TIAM1: variants seen among roughly 807,000 people sequenced by gnomAD.
The protein encoded by TIAM1 is TIAM Rac1 associated GEF 1, also known as rho guanine nucleotide exchange factor TIAM1.
In TIAM1, 65 loss-of-function variants were observed where a neutral mutation model predicts 163.5. That is an observed-to-expected ratio of 0.40 (90% CI 0.33 to 0.49). TIAM1 has a LOEUF of 0.49. TIAM1 is among the 20% of genes least tolerant of loss of function. TIAM1 has a pLI of 0.77. For missense variants in TIAM1, 1,789 were observed against 2,044.7 expected (o/e 0.87, Z 2.41); for synonymous variants, 833 against 810.1 (o/e 1.03, Z -0.48).
chr21:31,265,720 A>G (rs1317360928), intron 4 of TIAM1, among the ~76,000 whole-genome samples: 2 of 152,204 alleles, frequency 1.3e-5, no homozygotes, highest in Admixed American at 6.5e-5. Flanking sequence ...TTGAAGAACT[A>G]AGATGTAGAA....
chr21:31,517,233 T>G (rs983964077), intron 1 of TIAM1, among the ~76,000 whole-genome samples: 3 of 151,976 alleles, frequency 2.0e-5, no homozygotes, highest in Non-Finnish European at 4.4e-5. Context: ...AGGAGATCTG[T>G]GTAAAGAGCT....
chr21:31,554,956 G>A (rs2048822757), intron 1 of TIAM1, among the ~76,000 whole-genome samples: 1 of 152,110 alleles, frequency 6.6e-6, no homozygotes, highest in African/African-American at 2.4e-5. Flanking sequence ...ACAGGAACAG[G>A]GAAGGTCTTA....
intron 1 of TIAM1, among the ~76,000 whole-genome samples, chr21:31,484,131 C>A (rs1272458080): frequency 6.6e-6 from 1 of 152,226 alleles, no homozygotes; most frequent in Admixed American, 6.5e-5. Flanking sequence ...CCAGCCCTCA[C>A]CAGACACAAA....
intron 2 of TIAM1, among the ~76,000 whole-genome samples, chr21:31,329,292 T>C (rs1277726080): frequency 6.6e-6 from 1 of 152,192 alleles, no homozygotes; most frequent in East Asian, 1.9e-4. Flanking sequence ...GTGAACGCAG[T>C]GAACACACAG....
At chr21:31,509,409 C>T (rs2047137667) in intron 1 of TIAM1, among the ~76,000 whole-genome samples, 1 of 152,212 alleles carries the variant, frequency 6.6e-6, no homozygotes, top group Non-Finnish European at 1.5e-5. Flanking sequence ...CACTCAAGGG[C>T]CATGTGAGCA....
chr21:31,127,412 C>CTTTTTTTTTTTT (rs199978005), intron 25 of TIAM1, among the ~76,000 whole-genome samples: 6 of 140,736 alleles, frequency 4.3e-5, no homozygotes, highest in Non-Finnish European at 6.2e-5. Flanking sequence ...ATGGACCGAA[C>CTTTTTTTTTTTT]TTTTTTTTTT....
At chr21:31,300,298 A>G (rs1377382384) in intron 2 of TIAM1, among the ~76,000 whole-genome samples, 3 of 152,166 alleles carry the variant, frequency 2.0e-5, no homozygotes, top group African/African-American at 7.2e-5. Context: ...GAGCCAATTA[A>G]ACCTCTTTTC....
chr21:31,297,863 T>C (rs1349619380), intron 2 of TIAM1, among the ~76,000 whole-genome samples: 2 of 152,194 alleles, frequency 1.3e-5, no homozygotes, highest in Admixed American at 6.5e-5. Context: ...TGAAATTCTT[T>C]ATGATGAACA....
At position 31,141,631 on chromosome 21, in the gene TIAM1, G is replaced by A; in HGVS notation, c.3476-127C>T. On this transcript the variant is annotated intron_variant, in intron 20 of 27. Transcript: ENST00000541036. This position sits in a 1 kb window ranked among gnomAD's most constrained non-coding sequence, Gnocchi z 4.7. Reference sequence around the variant, plus strand: ...GGACTGAGCAGAGAGTGGGTGGCAGGAAGAGGGACAGGTAGGGGAGGGGGC... The same window carrying A: ...GGACTGAGCAGAGAGTGGGTGGCAGAAAGAGGGACAGGTAGGGGAGGGGGC... 9.5e-7 allele frequency: 1 copy of A among 1,052,694 alleles called. No individual in the cohort carries two copies. The highest frequency in any genetic ancestry group is 1.6e-5 in the South Asian group (1 of 64,094). The allele number at this position is 1,052,694 out of a possible 1,614,324, so 65.2% of individuals were successfully genotyped here. A position where few individuals can be genotyped will look rare whatever the true frequency, so the allele number is the denominator to read the frequency against.
chr21:31,531,901 G>A (rs746993966), intron 1 of TIAM1, among the ~76,000 whole-genome samples: 3 of 152,204 alleles, frequency 2.0e-5, no homozygotes, highest in South Asian at 2.1e-4. Context: ...CAGATTGCTC[G>A]AGTCCAGGAG....
intron 6 of TIAM1, 76 bp downstream of exon 6, chr21:31,245,412 C>G (rs949232131): frequency 1.1e-5 from 6 of 555,410 alleles, no homozygotes; most frequent in Non-Finnish European, 1.3e-5. Context: ...TGGAGGGAGA[C>G]TGGGTGCCTA....
At chr21:31,272,546 G>C (rs763329304) in intron 3 of TIAM1, among the ~76,000 whole-genome samples, 49 of 151,208 alleles carry the variant, frequency 3.2e-4, no homozygotes, top group Non-Finnish European at 6.9e-4. Flanking sequence ...CCTGGCTTTA[G>C]TATTTTACTA....
Position 31,296,931 on chromosome 21 carries a change from G to A in TIAM1, c.-188-20023C>T, listed in dbSNP as rs990422002. On this transcript the variant is annotated intron_variant, in intron 2 of 27. Coordinates refer to ENST00000541036, the MANE Select transcript of TIAM1 (RefSeq NM_001353694.2). ...GCCCGCCTTGGCCTCCCAAAATGCT[G>A]GGATTACGGGCATGAGCCACTGCAT... Among the ~76,000 whole-genome samples the A allele has an allele frequency of 4.6e-5, 7 of 152,258 alleles. No homozygotes were observed. In the South Asian group the frequency reaches 1.5e-3, roughly 32 times the overall value.
chr21:31,126,461 G>A (rs2082203783), intron 26 of TIAM1, among the ~76,000 whole-genome samples: 1 of 152,076 alleles, frequency 6.6e-6, no homozygotes, highest in African/African-American at 2.4e-5. Flanking sequence ...CAGCCACTCG[G>A]GAGGCTGAGG....
chr21:31,227,204 G>C (rs990782085), intron 6 of TIAM1, among the ~76,000 whole-genome samples: 1 of 151,876 alleles, frequency 6.6e-6, no homozygotes, highest in Non-Finnish European at 1.5e-5. Flanking sequence ...TGATCCACCC[G>C]CCTCGGCCTC....
At chr21:31,176,427 A>C (rs548498245) in intron 15 of TIAM1, among the ~76,000 whole-genome samples, 279 of 152,296 alleles carry the variant, frequency 1.8e-3, no homozygotes, top group South Asian at 4.3e-3. Flanking sequence ...GCTTAAAAAA[A>C]AAACCAAAAC....
chr21:31,429,312 A>G (rs906330410), intron 2 of TIAM1, among the ~76,000 whole-genome samples: 1 of 152,140 alleles, frequency 6.6e-6, no homozygotes, highest in African/African-American at 2.4e-5. Flanking sequence ...GCACTGGCCA[A>G]CCTACCTTTG....
At chr21:31,505,940 C>T (rs1189382774) in intron 1 of TIAM1, among the ~76,000 whole-genome samples, 2 of 138,512 alleles carry the variant, frequency 1.4e-5, no homozygotes, top group African/African-American at 2.7e-5. Flanking sequence ...ACCCAGGAGG[C>T]GGAGGTTGCA....
At chr21:31,257,836 A>T (rs2072203699) in intron 4 of TIAM1, among the ~76,000 whole-genome samples, 1 of 152,050 alleles carries the variant, frequency 6.6e-6, no homozygotes, top group South Asian at 2.1e-4. Context: ...TACTACAACC[A>T]GAAGGCTTCT....
Sources: gnomAD v4.1 joint callset for allele counts (sites outside exome capture counted in the v4.1 genomes callset) on GRCh38, gnomAD v4.1.1 for gene constraint, Gnocchi (gnomAD v3.1) non-coding constraint, MANE v1.5 for transcripts, NCBI Gene and HGNC (gene_info 2026-07-23, HGNC 2026-07-21) for gene names.